The following ADPRHL1 variants were observed in gnomAD, a reference collection of about 807,000 sequenced individuals.
ADPRHL1 encodes the protein ADP-ribosylhydrolase like 1, also known as inactive ADP-ribosyltransferase ARH2.
A neutral mutation model predicts 44.1 loss-of-function variants in ADPRHL1; 43 were observed. The ratio of observed to expected loss-of-function variants is 0.98; its 90% CI spans 0.76 to 1.26. The LOEUF is 1.26. Ranked by LOEUF, ADPRHL1 falls within the 50% of genes most tolerant of loss-of-function variation. The pLI is 0.00. For synonymous variants in ADPRHL1, 878 were observed against 1,017.4 expected (o/e 0.86, Z 2.61); for missense variants, 2,022 against 2,496.9 (o/e 0.81, Z 4.05).
intron 7 of ADPRHL1, among the ~76,000 whole-genome samples, chr13:113,413,592 C>T (rs1007068673): frequency 6.6e-6 from 1 of 152,250 alleles, no homozygotes; most frequent in African/African-American, 2.4e-5. Flanking sequence ...CCCACCCCTG[C>T]TGCACACCTT....
chr13:113,405,098 G>A lies in ADPRHL1; in HGVS notation c.4184C>T (p.Ala1395Val), dbSNP rs549745319. Residue 1395 changes from alanine to valine, a missense_variant, in exon 8 of 8, where the codon GCG becomes GTG. Ala to Val is a moderately conservative substitution (Grantham distance 64). Coordinates refer to ENST00000612156, the MANE Select transcript of ADPRHL1 (RefSeq NM_001394807.1). ...GCCCGACGGCGCCACCCTCTTCCCC[G>A]CATCCCCGGGCTGGGGGGTCTCCTC... ...AQEETPQPGD[A>V]GKRVAPSGSK... 6 of 1,232,130 alleles carry A rather than the reference G, an allele frequency of 4.9e-6. No individual in the cohort carries two copies. The highest frequency in any genetic ancestry group is 8.4e-5 in the Admixed American group (2 of 23,730). The allele number at this position is 1,232,130 out of a possible 1,614,324, so 76.3% of individuals were successfully genotyped here.
rs2044098420 is a variant in ADPRHL1 at position 113,441,540 on chromosome 13, A to G, written c.379+2885T>C. 6.6e-6 allele frequency among the ~76,000 whole-genome samples: 1 copy of G among 152,186 alleles called. No individual in the cohort carries two copies. The highest frequency in any genetic ancestry group is 1.5e-5 in the Non-Finnish European group (1 of 68,036). ...CATCGGCTTCCATCTCTCCCCTGCT[A>G]GCCTTCGTGCTATTGTTGTTGTACA... On this transcript the variant is annotated intron_variant, in intron 2 of 7. Coordinates refer to ENST00000612156, the MANE Select transcript of ADPRHL1 (RefSeq NM_001394807.1). The surrounding 1 kb of genome is among the most constrained non-coding windows in gnomAD (Gnocchi z 6.0).
intron 1 of ADPRHL1, among the ~76,000 whole-genome samples, chr13:113,447,510 T>C (rs979238466): frequency 2.6e-5 from 4 of 151,916 alleles, no homozygotes; most frequent in Admixed American, 6.6e-5. Context: ...ACTCATGGTG[T>C]TGTGTGTGCA....
chr13:113,443,853 G>A (rs1358473797), intron 2 of ADPRHL1, among the ~76,000 whole-genome samples: 2 of 151,102 alleles, frequency 1.3e-5, no homozygotes, highest in Non-Finnish European at 2.9e-5. Context: ...TGAGACCGGA[G>A]AATTTCCTGA....
intron 1 of ADPRHL1, chr13:113,449,137 C>T (rs1234348747): frequency 3.0e-6 from 3 of 1,003,938 alleles, no homozygotes; most frequent in Non-Finnish European, 3.6e-6. Context: ...AGTCTGCTCT[C>T]GTGCCCTGTT....
At chr13:113,429,331 G>A (rs1367527361) in intron 3 of ADPRHL1, among the ~76,000 whole-genome samples, 4 of 151,864 alleles carry the variant, frequency 2.6e-5, no homozygotes, top group Non-Finnish European at 4.4e-5. Flanking sequence ...TCACCCCACC[G>A]CCCTCCCCAG....
At chr13:113,423,779 C>T (rs1015431250) in intron 6 of ADPRHL1, among the ~76,000 whole-genome samples, 17 of 152,228 alleles carry the variant, frequency 1.1e-4, no homozygotes, top group African/African-American at 1.7e-4. Flanking sequence ...CCACAGTCTG[C>T]GACTTTGCAC....
chr13:113,445,744 C>T (rs529984053), intron 1 of ADPRHL1, among the ~76,000 whole-genome samples: 44 of 152,266 alleles, frequency 2.9e-4, no homozygotes, highest in African/African-American at 9.6e-4. Context: ...CGCATCAGAG[C>T]CAGATGTCCT....
At position 113,406,015 on chromosome 13, in the gene ADPRHL1, G is replaced by C; in HGVS notation, c.3267C>G (p.Ser1089Arg). 8.1e-6 allele frequency: 10 copies of C among 1,232,134 alleles called. No individual in the cohort carries two copies. Among genetic ancestry groups the C allele is most frequent in the Non-Finnish European group, 8.1e-6 (8 of 988,030 alleles). 76.3% of individuals were successfully genotyped at this position (1,232,134 alleles called of 1,614,324 possible). Residue 1089 changes from serine (S) to arginine (R), a missense_variant, in exon 8 of 8, where the codon AGC (serine) becomes AGG (arginine). Coordinates refer to ENST00000612156, the MANE Select transcript of ADPRHL1 (RefSeq NM_001394807.1). ...ACAGTGGGTTCTCGCGAACATCATG[G>C]CTGGTGATTTCCTCGGCAGCCTTCA... ...QPLKAAEEIT[S>R]HDVRENPLSS...
At chr13:113,408,848 A>AGGGGGCTGCAGAGAGGAGGGGAGGCG (rs1555325346) in intron 7 of ADPRHL1, among the ~76,000 whole-genome samples, 1 of 117,488 alleles carries the variant, frequency 8.5e-6, no homozygotes, top group Non-Finnish European at 1.7e-5. Flanking sequence ...GCAGGGGAGG[A>AGGGGGCTGCAGAGAGGAGGGGAGGCG]GGGGGCTGCA....
At chr13:113,444,727 G>A (rs977285279) in intron 1 of ADPRHL1, 138 bp from the exon 2 acceptor site, 51 of 1,031,768 alleles carry the variant, frequency 4.9e-5, no homozygotes, top group Admixed American at 9.8e-5. Flanking sequence ...GGTTCACTCC[G>A]TTCTCCTGCC....
At chr13:113,425,831 C>G (rs570583111) in intron 4 of ADPRHL1, among the ~76,000 whole-genome samples, 1 of 152,226 alleles carries the variant, frequency 6.6e-6, no homozygotes, top group East Asian at 1.9e-4. Flanking sequence ...CAGGCACCCA[C>G]CACCACGCCC....
rs180939468 is a variant in ADPRHL1 at position 113,451,893 on chromosome 13, G to A, written c.214+1331C>T. Among the ~76,000 whole-genome samples, 23 of 152,258 alleles carry A rather than the reference G, an allele frequency of 1.5e-4. No homozygotes were observed. The East Asian group carries it at 1.5e-3, about 10-fold the overall frequency. ...GTGTCCTGTTGGGCCGATCTCCGTC[G>A]GTGCACTTTTGGAGTGTCCTGTGCC... On this transcript the variant is annotated intron_variant, in intron 1 of 7. Coordinates refer to ENST00000612156, the MANE Select transcript of ADPRHL1 (RefSeq NM_001394807.1).
At chr13:113,415,146 C>T (rs964005802) in intron 7 of ADPRHL1, among the ~76,000 whole-genome samples, 4 of 152,182 alleles carry the variant, frequency 2.6e-5, no homozygotes, top group African/African-American at 9.6e-5. Context: ...TTCCACAGCT[C>T]ATGGACAGAG....
At chr13:113,445,078 C>CT (rs2044127706) in intron 1 of ADPRHL1, among the ~76,000 whole-genome samples, 1 of 152,216 alleles carries the variant, frequency 6.6e-6, no homozygotes, top group Non-Finnish European at 1.5e-5. Context: ...GCAGGGACAG[C>CT]TGCCACCAAG....
chr13:113,409,470 C>G lies in ADPRHL1; in HGVS notation c.1062-1250G>C. 1 of 985,158 alleles carries G rather than the reference C, an allele frequency of 1.0e-6. No individual in the cohort carries two copies. Among genetic ancestry groups the G allele is most frequent in the African/African-American group, 1.7e-5 (1 of 57,262 alleles). The allele number at this position is 985,158 out of a possible 1,614,324, so 61.0% of individuals were successfully genotyped here. On this transcript the variant is annotated intron_variant, in intron 7 of 7. Coordinates refer to ENST00000612156, the MANE Select transcript of ADPRHL1 (RefSeq NM_001394807.1). This position sits in a 1 kb window ranked among gnomAD's most constrained non-coding sequence, Gnocchi z 4.2. ...AATGTTGAAAAATCTAGAGCATCCT[C>G]GATGTCCAACTCCAGGGCGGCCGCA...
In ADPRHL1 at chr13:113,403,867, C is replaced by G. The variant is rs988793497; in HGVS notation, c.5415G>C (p.Arg1805=). 1.3e-5 allele frequency: 16 copies of G among 1,259,504 alleles called. No individual in the cohort carries two copies. The South Asian group carries it at 1.4e-4, about 11-fold the overall frequency. 78.0% of individuals were successfully genotyped at this position (1,259,504 alleles called of 1,614,324 possible). ...CCATCCCACTTGTCAAGGCCTGTTC[C>G]CGACCCTGTTCCCAAGCCCGTTCCT... ...GAQERAWEQG[R]EQALTSGMAP... is the part of the protein sequence containing the mutation. The change falls in exon 8 of 8, where the codon CGG becomes CGC. Residue 1805 remains arginine (R), a synonymous_variant. Transcript: ENST00000612156.
chr13:113,453,156 A>C lies in ADPRHL1; in HGVS notation c.214+68T>G, dbSNP rs1027077252. ...CTGCCTTCAAAGCTCTCGGAGGCTTACTGGGAGAACTCGAGCAGCCAGTGT... is the reference window on the plus strand; with the variant it reads ...CTGCCTTCAAAGCTCTCGGAGGCTTCCTGGGAGAACTCGAGCAGCCAGTGT... On this transcript the variant is annotated intron_variant, in intron 1 of 7. Coordinates refer to ENST00000612156, the MANE Select transcript of ADPRHL1 (RefSeq NM_001394807.1). The surrounding 1 kb of genome is among the most constrained non-coding windows in gnomAD (Gnocchi z 5.4). 43 of 1,561,050 alleles carry C rather than the reference A, an allele frequency of 2.8e-5. No homozygotes were observed. The African/African-American group carries it at 5.3e-4, about 19-fold the overall frequency.
At chr13:113,427,909 G>A (rs2043978628) in intron 4 of ADPRHL1, among the ~76,000 whole-genome samples, 1 of 152,046 alleles carries the variant, frequency 6.6e-6, no homozygotes, top group South Asian at 2.1e-4. Context: ...CCCATAAGGC[G>A]TTTCAGAACA....
Sources: allele counts gnomAD v4.1 joint callset (sites outside exome capture counted in the v4.1 genomes callset), GRCh38; gene constraint gnomAD v4.1.1; non-coding constraint Gnocchi (gnomAD v3.1); transcripts MANE v1.5; gene names NCBI Gene and HGNC (gene_info 2026-07-23, HGNC 2026-07-21).